COPG2: variants seen among roughly 807,000 people sequenced by gnomAD.
COPG2 encodes coat protein complex I subunit gamma 2, also known as coatomer subunit gamma-2.
COPG2 carries 37 observed loss-of-function variants against 46.3 expected under a neutral mutation model. The ratio of observed to expected loss-of-function variants is 0.80; its 90% CI spans 0.61 to 1.05. The LOEUF is 1.05. Among genes scored for constraint, COPG2 ranks in the 50% least tolerant of loss-of-function variants. COPG2 has a pLI of 0.00. For synonymous variants in COPG2, 159 were observed against 129.7 expected (o/e 1.23, Z -1.53); for missense variants, 427 against 387.8 (o/e 1.10, Z -0.85).
chr7:130,662,696 T>G (rs1796001657), intron 4 of COPG2, among the ~76,000 whole-genome samples: 1 of 152,224 alleles, frequency 6.6e-6, no homozygotes, highest in African/African-American at 2.4e-5. Flanking sequence ...TGCACTGACT[T>G]CTTTATCAGT....
chr7:130,615,631 T>C (rs1456980146), intron 6 of COPG2, among the ~76,000 whole-genome samples: 3 of 152,238 alleles, frequency 2.0e-5, no homozygotes, highest in Admixed American at 6.5e-5. Flanking sequence ...ATCTATCATC[T>C]CTGAGCCTAG....
chr7:130,627,348 C>A (rs868982433), intron 5 of COPG2, among the ~76,000 whole-genome samples: 2 of 152,174 alleles, frequency 1.3e-5, no homozygotes, highest in Non-Finnish European at 1.5e-5. Flanking sequence ...AATTCACAAT[C>A]TTCCTATGCC....
intron 3 of COPG2, among the ~76,000 whole-genome samples, chr7:130,665,686 T>C (rs1796063475): frequency 6.6e-6 from 1 of 152,082 alleles, no homozygotes; most frequent in Non-Finnish European, 1.5e-5. Context: ...ACACCATTTG[T>C]ATGAGGGACT....
At chr7:130,513,381 G>GTA (rs1467314702) in intron 20 of COPG2, among the ~76,000 whole-genome samples, 2 of 96,548 alleles carry the variant, frequency 2.1e-5, no homozygotes, top group African/African-American at 7.0e-5. Flanking sequence ...ATATATGTGT[G>GTA]TGTGTGTGTA....
intron 12 of COPG2, among the ~76,000 whole-genome samples, chr7:130,558,813 C>T (rs1185570348): frequency 1.3e-5 from 2 of 152,106 alleles, no homozygotes; most frequent in Non-Finnish European, 2.9e-5. Context: ...TGAGCTACCA[C>T]ACCTGGCTTT....
chr7:130,569,866 T>G (rs1216398086), intron 9 of COPG2, among the ~76,000 whole-genome samples: 1 of 152,176 alleles, frequency 6.6e-6, no homozygotes, highest in Non-Finnish European at 1.5e-5. Context: ...CATGACCAAG[T>G]GGGTTTCATA....
intron 20 of COPG2, among the ~76,000 whole-genome samples, chr7:130,516,847 A>G (rs1427650124): frequency 2.6e-5 from 4 of 152,204 alleles, no homozygotes; most frequent in Non-Finnish European, 5.9e-5. Context: ...GAGGTGAGAG[A>G]GGCTAAATGG....
chr7:130,595,835 T>C (rs1415857870), intron 9 of COPG2, among the ~76,000 whole-genome samples: 2 of 152,192 alleles, frequency 1.3e-5, no homozygotes, highest in African/African-American at 4.8e-5. Flanking sequence ...GTATCATCTT[T>C]ATGGCCATCC....
rs1247369419 is a variant in COPG2 at position 130,563,345 on chromosome 7, AAAT to A, written c.872-12_872-10del. 4.5e-5 allele frequency: 18 copies of A among 396,776 alleles called. No individual in the cohort carries two copies. Among genetic ancestry groups the A allele is most frequent in the South Asian group, 3.8e-4 (3 of 7,840 alleles). The allele number at this position is 396,776 out of a possible 1,614,324, so 24.6% of individuals were successfully genotyped here. On this transcript the variant is annotated splice_polypyrimidine_tract_variant and intron_variant, in intron 10 of 23. Coordinates refer to ENST00000425248, the MANE Select transcript of COPG2 (RefSeq NM_012133.6). ...ACAGAAAAGTTGAAGAACTAAAAAAAAATAATAATAATAATATGTAACATTAAG... is the reference window on the plus strand; with the variant it reads ...ACAGAAAAGTTGAAGAACTAAAAAAAAATAATAATAATATGTAACATTAAG...
intron 5 of COPG2, among the ~76,000 whole-genome samples, chr7:130,650,477 T>C (rs1157248413): frequency 6.6e-6 from 1 of 152,216 alleles, no homozygotes. Context: ...AACAACTAAT[T>C]TATTTTAAAA....
intron 20 of COPG2, among the ~76,000 whole-genome samples, chr7:130,532,663 G>A (rs1239059730): frequency 6.6e-6 from 1 of 152,090 alleles, no homozygotes; most frequent in Non-Finnish European, 1.5e-5. Context: ...TCCCCAGAAT[G>A]TTTCCACATG....
chr7:130,541,055 C>T (rs1170994179), intron 20 of COPG2, among the ~76,000 whole-genome samples: 1 of 152,170 alleles, frequency 6.6e-6, no homozygotes, highest in Admixed American at 6.5e-5. Flanking sequence ...GCCGGGCAGA[C>T]ACGTGGAGTG....
chr7:130,522,553 T>A (rs1293252815), intron 20 of COPG2, among the ~76,000 whole-genome samples: 1 of 151,878 alleles, frequency 6.6e-6, no homozygotes, highest in African/African-American at 2.4e-5. Flanking sequence ...TGTAGATCTT[T>A]AAGAGAAATC....
intron 7 of COPG2, 126 bp downstream of exon 7, chr7:130,613,418 A>C (rs1794891737): frequency 3.0e-6 from 2 of 670,174 alleles, no homozygotes; most frequent in Non-Finnish European, 5.2e-6. Context: ...ACACACTTGG[A>C]TAAAGTAATA....
chr7:130,527,912 TGGA>T (rs1191848471), intron 20 of COPG2, among the ~76,000 whole-genome samples: 4 of 151,808 alleles, frequency 2.6e-5, no homozygotes, highest in African/African-American at 4.8e-5. Flanking sequence ...AGGACTCAGG[TGGA>T]GGAGTGAGGC....
At chr7:130,556,821 AT>A (rs1793633830) in intron 12 of COPG2, among the ~76,000 whole-genome samples, 1 of 152,156 alleles carries the variant, frequency 6.6e-6, no homozygotes, top group Non-Finnish European at 1.5e-5. Context: ...TCCAACATCC[AT>A]TCCTAATAAA....
chr7:130,659,146 C>G (rs1023345417), intron 4 of COPG2, among the ~76,000 whole-genome samples: 13 of 151,766 alleles, frequency 8.6e-5, no homozygotes, highest in Non-Finnish European at 1.3e-4. Context: ...ACAAGGTCAG[C>G]AGATCGAGAC....
intron 20 of COPG2, among the ~76,000 whole-genome samples, chr7:130,534,684 G>C (rs975486652): frequency 5.3e-5 from 8 of 152,296 alleles, no homozygotes; most frequent in Non-Finnish European, 1.0e-4. Context: ...GGTAGAACAG[G>C]ACGGAGGCCA....
At chr7:130,598,977 G>A (rs192442358) in intron 9 of COPG2, among the ~76,000 whole-genome samples, 1 of 152,262 alleles carries the variant, frequency 6.6e-6, no homozygotes, top group African/African-American at 2.4e-5. Context: ...ACGTCAAAAT[G>A]ATGGTCATGC....
Sources: allele counts gnomAD v4.1 joint callset (sites outside exome capture counted in the v4.1 genomes callset), GRCh38; gene constraint gnomAD v4.1.1; transcripts MANE v1.5; gene names NCBI Gene and HGNC (gene_info 2026-07-23, HGNC 2026-07-21).